The following CCSER2 variants were observed in gnomAD, a reference collection of about 807,000 sequenced individuals.
CCSER2 encodes coiled-coil serine rich protein 2.
Under a neutral mutation model 92.3 loss-of-function variants are expected in CCSER2, and 46 were observed. The ratio of observed to expected loss-of-function variants is 0.50; its 90% CI spans 0.39 to 0.64. The LOEUF (loss-of-function observed/expected upper bound fraction) is 0.64, where lower values mean the gene tolerates loss of function less well. Among genes scored for constraint, CCSER2 ranks in the 30% least tolerant of loss-of-function variants. The pLI is 0.00. For synonymous variants in CCSER2, 433 were observed against 431.4 expected (o/e 1.00, Z -0.04); for missense variants, 1,244 against 1,238.9 (o/e 1.00, Z -0.06).
intron 2 of CCSER2, 46 bp downstream of exon 2, chr10:84,372,515 A>G (rs1475980571): frequency 8.5e-6 from 9 of 1,059,734 alleles, no homozygotes; most frequent in East Asian, 2.4e-5. Context: ...TTTAAATAAT[A>G]TAACTGAACT....
chr10:84,466,999 C>G (rs970472160), intron 7 of CCSER2, among the ~76,000 whole-genome samples: 11 of 152,156 alleles, frequency 7.2e-5, no homozygotes, highest in Admixed American at 3.3e-4. Flanking sequence ...AGTGCGCCTC[C>G]TCTACTTTCT....
In CCSER2 at chr10:84,373,677, C is replaced by G; in HGVS notation, c.1476C>G (p.Asp492Glu). ...SGNNLVSPDT[D>E]YRAGSSFELS... ...ATAATTTGGTTTCACCAGATACAGA[C>G]TACAGAGCTGGTTCTTCGTTTGAAC... The change falls in exon 3 of 10, where the codon GAC becomes GAG. Residue 492 changes from aspartate to glutamate, a missense_variant. Coordinates refer to ENST00000372088, the MANE Select transcript of CCSER2 (RefSeq NM_001284240.2). The G allele has an allele frequency of 1.2e-6, 2 of 1,613,558 alleles. No individual in the cohort carries two copies. Among genetic ancestry groups the G allele is most frequent in the Middle Eastern group, 3.3e-4 (2 of 6,058 alleles).
At chr10:84,479,844 G>A (rs1935974) in intron 9 of CCSER2, among the ~76,000 whole-genome samples, 86,056 of 151,854 alleles carry the variant, frequency 0.57, 27,099 homozygotes, top group East Asian at 0.74. Flanking sequence ...TTGCAGGAGG[G>A]TGAGGGGGCT....
chr10:84,337,951 C>T (rs547844540), intron 1 of CCSER2, among the ~76,000 whole-genome samples: 1 of 152,142 alleles, frequency 6.6e-6, no homozygotes, highest in Non-Finnish European at 1.5e-5. Context: ...CCCGTGGACA[C>T]ATTTAACTTT....
rs561564890 is a variant in CCSER2 at position 84,490,936 on chromosome 10, G to T, written c.2325+13272G>T. Reference sequence around the variant, plus strand: ...GGATTTTGGTGTGGATGTCCTTTCTGTTTGTTAGTTTTCCTTCTAATAGTC... The same window carrying T: ...GGATTTTGGTGTGGATGTCCTTTCTTTTTGTTAGTTTTCCTTCTAATAGTC... On this transcript the variant is annotated intron_variant, in intron 9 of 9. Transcript: ENST00000372088. Among the ~76,000 whole-genome samples, 19 of 152,340 alleles carry T rather than the reference G, an allele frequency of 1.2e-4. No homozygotes were observed. In the South Asian group the frequency reaches 3.5e-3, roughly 28 times the overall value.
intron 1 of CCSER2, among the ~76,000 whole-genome samples, chr10:84,354,444 T>C (rs536797002): frequency 9.3e-4 from 142 of 152,276 alleles, no homozygotes; most frequent in African/African-American, 3.3e-3. Context: ...TACTTATATG[T>C]GGAATTTGAC....
intron 7 of CCSER2, among the ~76,000 whole-genome samples, chr10:84,464,904 T>A (rs888904557): frequency 3.3e-5 from 5 of 152,164 alleles, no homozygotes; most frequent in Non-Finnish European, 5.9e-5. Flanking sequence ...AAAGCATTAT[T>A]TGCTCGTAGG....
At chr10:84,435,551 A>C (rs946425526) in intron 5 of CCSER2, among the ~76,000 whole-genome samples, 2 of 151,726 alleles carry the variant, frequency 1.3e-5, no homozygotes, top group Admixed American at 1.3e-4. Flanking sequence ...TTGTCATGTG[A>C]CAGCTACAGA....
intron 9 of CCSER2, among the ~76,000 whole-genome samples, chr10:84,486,605 G>A (rs944727369): frequency 3.9e-5 from 6 of 152,202 alleles, no homozygotes; most frequent in Non-Finnish European, 7.4e-5. Flanking sequence ...TTTTTTTCTT[G>A]TAAATTTGTT....
At chr10:84,461,280 T>C (rs1055482743) in intron 6 of CCSER2, among the ~76,000 whole-genome samples, 13 of 152,220 alleles carry the variant, frequency 8.5e-5, no homozygotes, top group African/African-American at 2.9e-4. Context: ...AGAGAGCATA[T>C]GTTTGGTGTA....
At chr10:84,335,587 TTTG>T (rs1169098666) in intron 1 of CCSER2, among the ~76,000 whole-genome samples, 3 of 152,066 alleles carry the variant, frequency 2.0e-5, no homozygotes, top group Admixed American at 2.0e-4. Flanking sequence ...GTCCTGTTTT[TTTG>T]AGTTGCCTAC....
chr10:84,495,175 G>GT (rs34336622), intron 9 of CCSER2, among the ~76,000 whole-genome samples: 8,477 of 140,232 alleles, frequency 0.06, 329 homozygotes, highest in Admixed American at 0.1. Flanking sequence ...GTTTGATATG[G>GT]TTTTTTTTTT....
intron 1 of CCSER2, among the ~76,000 whole-genome samples, chr10:84,368,190 CTA>C (rs1845881846): frequency 6.6e-6 from 1 of 152,110 alleles, no homozygotes; most frequent in Non-Finnish European, 1.5e-5. Context: ...TCTATCCAAA[CTA>C]GAGGTATTTC....
intron 3 of CCSER2, among the ~76,000 whole-genome samples, chr10:84,402,010 GAACTT>G (rs1842143627): frequency 2.0e-5 from 3 of 152,166 alleles, no homozygotes; most frequent in African/African-American, 4.8e-5. Context: ...ATTTGCTAAT[GAACTT>G]AAAGTGACCA....
rs1564729842 is a variant in CCSER2, at chr10:84,501,837, AT to A, written c.2326-11611del. On this transcript the variant is annotated intron_variant, in intron 9 of 9. Coordinates refer to ENST00000372088, the MANE Select transcript of CCSER2 (RefSeq NM_001284240.2). Reference sequence around the variant, plus strand: ...GTCATCTAGGGAAAAAAAAAAAAATATATATATATATATATATATATACTCA... The same window carrying A: ...GTCATCTAGGGAAAAAAAAAAAAATAATATATATATATATATATATACTCA... Among the ~76,000 whole-genome samples, 704 of 74,546 alleles carry A rather than the reference AT, an allele frequency of 9.4e-3. 41 individuals carry two copies. Among genetic ancestry groups the A allele is most frequent in the African/African-American group, 0.029 (677 of 23,514 alleles). 48.9% of individuals were successfully genotyped at this position (74,546 alleles called of 152,430 possible).
At chr10:84,463,819 A>T in intron 6 of CCSER2, 114 bp from the exon 7 acceptor site, 1 of 652,026 alleles carries the variant, frequency 1.5e-6, no homozygotes, top group Non-Finnish European at 2.7e-6. Context: ...GTTCTTCACC[A>T]TGCTAGCATT....
chr10:84,408,743 A>G (rs1842498045), intron 3 of CCSER2, among the ~76,000 whole-genome samples: 3 of 152,214 alleles, frequency 2.0e-5, no homozygotes, highest in Admixed American at 2.0e-4. Flanking sequence ...GACTTAGAGC[A>G]CAACACTATA....
intron 6 of CCSER2, among the ~76,000 whole-genome samples, chr10:84,463,043 C>T (rs1298693185): frequency 2.0e-5 from 3 of 152,194 alleles, no homozygotes; most frequent in African/African-American, 4.8e-5. Flanking sequence ...GGTAGCACGT[C>T]ATCCAGTTAT....
chr10:84,513,413 A>G, intron 9 of CCSER2, 36 bp from the exon 10 acceptor site: 2 of 1,482,566 alleles, frequency 1.3e-6, no homozygotes, highest in African/African-American at 1.4e-5. Flanking sequence ...GGAATTTCTA[A>G]GAACTTGCTG....
Sources: allele counts gnomAD v4.1 joint callset (sites outside exome capture counted in the v4.1 genomes callset), GRCh38; gene constraint gnomAD v4.1.1; transcripts MANE v1.5; gene names NCBI Gene and HGNC (gene_info 2026-07-23, HGNC 2026-07-21).